The following COL19A1 variants were observed in gnomAD, a reference collection of about 807,000 sequenced individuals.
COL19A1 encodes the protein collagen alpha-1(XIX) chain.
Under a neutral mutation model 190.2 loss-of-function variants are expected in COL19A1, and 159 were observed. The ratio of observed to expected loss-of-function variants is 0.84; its 90% confidence interval spans 0.73 to 0.95. COL19A1 has a LOEUF of 0.95. COL19A1 is among the 40% of genes least tolerant of loss of function. The probability of loss-of-function intolerance (pLI) is 0.00; values close to 1 mark genes in which losing one functional copy is unlikely to be tolerated. For synonymous variants in COL19A1, 509 were observed against 458.9 expected (o/e 1.11, Z -1.39); for missense variants, 1,418 against 1,431.9 (o/e 0.99, Z 0.16).
chr6:70,107,403 T>A (rs1784041670), intron 16 of COL19A1, among the ~76,000 whole-genome samples: 1 of 152,144 alleles, frequency 6.6e-6, no homozygotes, highest in Non-Finnish European at 1.5e-5. Flanking sequence ...CTTGTCTCCA[T>A]TTTCTTTTCT....
chr6:69,946,776 T>A (rs1296954674), intron 9 of COL19A1, among the ~76,000 whole-genome samples: 2 of 151,898 alleles, frequency 1.3e-5, no homozygotes, highest in Non-Finnish European at 2.9e-5. Flanking sequence ...ATATGATGGT[T>A]TACTCTTTGA....
At chr6:70,037,995 A>G (rs926452350) in intron 14 of COL19A1, among the ~76,000 whole-genome samples, 6 of 152,204 alleles carry the variant, frequency 3.9e-5, no homozygotes, top group Admixed American at 2.6e-4. Context: ...TACTTTCTTT[A>G]TTAATATAAA....
At chr6:69,935,496 T>G (rs1424587090) in intron 7 of COL19A1, among the ~76,000 whole-genome samples, 1 of 152,068 alleles carries the variant, frequency 6.6e-6, no homozygotes, top group Non-Finnish European at 1.5e-5. Context: ...ATGAATGAAC[T>G]GTTTTGGTAA....
At chr6:69,900,905 A>G (rs1257306459) in intron 4 of COL19A1, among the ~76,000 whole-genome samples, 1 of 152,076 alleles carries the variant, frequency 6.6e-6, no homozygotes, top group African/African-American at 2.4e-5. Flanking sequence ...TTTTCTACAG[A>G]TACACTTAGA....
chr6:69,871,897 A>G (rs1163361169), intron 1 of COL19A1, among the ~76,000 whole-genome samples: 1 of 147,838 alleles, frequency 6.8e-6, no homozygotes, highest in Non-Finnish European at 1.5e-5. Context: ...GCTCACTGCA[A>G]CCTCCGCCTC....
chr6:70,023,726 T>C (rs760445738), intron 12 of COL19A1, 46 bp downstream of exon 12: 7 of 1,527,998 alleles, frequency 4.6e-6, no homozygotes, highest in Non-Finnish European at 6.3e-6. Flanking sequence ...ATTTTACCAC[T>C]AAGATATGCT....
At chr6:70,080,274 C>T (rs1297960193) in intron 15 of COL19A1, among the ~76,000 whole-genome samples, 1 of 152,064 alleles carries the variant, frequency 6.6e-6, no homozygotes, top group Non-Finnish European at 1.5e-5. Flanking sequence ...GAACAGCGAG[C>T]CCAACTTAGG....
intron 48 of COL19A1, among the ~76,000 whole-genome samples, chr6:70,194,140 T>C (rs925615027): frequency 1.3e-5 from 2 of 152,186 alleles, no homozygotes; most frequent in East Asian, 3.9e-4. Context: ...TCGAGAGCCA[T>C]TGTCTCCGAG....
At chr6:70,050,080 A>G (rs1177964399) in intron 14 of COL19A1, among the ~76,000 whole-genome samples, 1 of 152,062 alleles carries the variant, frequency 6.6e-6, no homozygotes, top group Non-Finnish European at 1.5e-5. Context: ...GAACCTAACC[A>G]TGTTTCTTGA....
rs1786667566 is a variant in COL19A1 at position 70,146,644 on chromosome 6, C to CT, written c.1771-8dup. 2 of 1,594,570 alleles carry CT rather than the reference C, an allele frequency of 1.3e-6. No individual in the cohort carries two copies. The highest frequency in any genetic ancestry group is 1.7e-5 in the Admixed American group (1 of 57,624). ...TTCTAGAAGAAGATATGTATTCATA[C>CT]TTTTTTTCTTTTAGGGATTAGATGG... On this transcript the variant is annotated splice_polypyrimidine_tract_variant and intron_variant, in intron 25 of 50. Transcript: ENST00000620364.
At chr6:70,000,910 T>C (rs1039409601) in intron 11 of COL19A1, among the ~76,000 whole-genome samples, 4 of 152,218 alleles carry the variant, frequency 2.6e-5, no homozygotes, top group Non-Finnish European at 5.9e-5. Flanking sequence ...TTGTTGCAAT[T>C]GCTTTTGGTG....
chr6:70,026,556 T>A (rs1030111593), intron 12 of COL19A1, among the ~76,000 whole-genome samples: 1 of 152,200 alleles, frequency 6.6e-6, no homozygotes, highest in African/African-American at 2.4e-5. Context: ...TTTTTTCCCC[T>A]TAATTTTGCC....
intron 15 of COL19A1, among the ~76,000 whole-genome samples, chr6:70,077,370 G>A (rs1397445107): frequency 2.0e-5 from 3 of 152,138 alleles, no homozygotes; most frequent in East Asian, 1.9e-4. Flanking sequence ...TTCTTGGAAT[G>A]GTAGTATTGA....
In COL19A1 at chr6:70,034,247, T is replaced by A. The variant is rs769867777; in HGVS notation, c.1083T>A (p.Gly361=). The A allele has an allele frequency of 3.7e-6, 6 of 1,610,114 alleles. No homozygotes were observed. The Admixed American group carries it at 1.0e-4, about 27-fold the overall frequency. Residue 361 remains glycine (G), a splice_region_variant and synonymous_variant, in exon 13 of 51, where the codon GGT becomes GGA. Coordinates refer to ENST00000620364, the MANE Select transcript of COL19A1 (RefSeq NM_001858.6). ...PALAGLNGEN[G]LKGDLGPHGP... is the part of the protein sequence containing the mutation. The stretch of plus-strand genomic sequence containing the variant: ...TATTGGTTATATTCTTTCTACAGGG[T>A]TTGAAAGGTGACTTGGGTCCTCATG...
At chr6:69,928,804 T>C (rs531569493) in intron 5 of COL19A1, among the ~76,000 whole-genome samples, 3 of 152,318 alleles carry the variant, frequency 2.0e-5, no homozygotes, top group East Asian at 3.9e-4. Flanking sequence ...GTTGGCACCA[T>C]ACATTAGTTT....
intron 9 of COL19A1, among the ~76,000 whole-genome samples, chr6:69,958,935 G>C (rs1392242887): frequency 6.6e-6 from 1 of 151,968 alleles, no homozygotes; most frequent in Non-Finnish European, 1.5e-5. Flanking sequence ...TGCTTTCTAG[G>C]GAATGTTTAA....
intron 13 of COL19A1, among the ~76,000 whole-genome samples, chr6:70,035,608 T>C (rs1779311659): frequency 6.6e-6 from 1 of 152,232 alleles, no homozygotes; most frequent in Non-Finnish European, 1.5e-5. Context: ...CTTGAAAATA[T>C]ATTATTTCTA....
At chr6:69,872,156 G>T (rs1458963835) in intron 1 of COL19A1, among the ~76,000 whole-genome samples, 1 of 151,330 alleles carries the variant, frequency 6.6e-6, no homozygotes, top group Admixed American at 6.6e-5. Flanking sequence ...TTTTTTGTTT[G>T]TTTTTTGTTT....
intron 41 of COL19A1, among the ~76,000 whole-genome samples, chr6:70,174,643 G>A (rs1041938662): frequency 1.6e-4 from 24 of 152,294 alleles, no homozygotes; most frequent in African/African-American, 4.6e-4. Flanking sequence ...GAATAGGAGG[G>A]GAGTTGGATT....
Sources: gnomAD v4.1 joint callset for allele counts (sites outside exome capture counted in the v4.1 genomes callset) on GRCh38, gnomAD v4.1.1 for gene constraint, MANE v1.5 for transcripts, NCBI Gene and HGNC (gene_info 2026-07-23, HGNC 2026-07-21) for gene names.